Variants in AGBL4 observed in about 807,000 individuals in gnomAD.
AGBL4 encodes cytosolic carboxypeptidase 6.
In AGBL4, 58 loss-of-function variants were observed where a neutral mutation model predicts 66.4. That is an observed-to-expected ratio of 0.87 (90% CI 0.71 to 1.09). AGBL4 has a LOEUF of 1.09. Ranked by LOEUF, AGBL4 falls within the 50% of genes least tolerant of loss-of-function variation. The pLI is 0.00. For synonymous variants in AGBL4, 234 were observed against 222.9 expected (o/e 1.05, Z -0.44); for missense variants, 579 against 631.0 (o/e 0.92, Z 0.88).
chr1:48,900,024 C>G (rs1174953405), intron 5 of AGBL4, among the ~76,000 whole-genome samples: 2 of 151,920 alleles, frequency 1.3e-5, no homozygotes, highest in Non-Finnish European at 2.9e-5. Flanking sequence ...AACATTTGAG[C>G]TGAGGGGCAT....
chr1:49,948,110 A>AT (rs1557608415), intron 1 of AGBL4, among the ~76,000 whole-genome samples: 4 of 85,344 alleles, frequency 4.7e-5, no homozygotes, highest in African/African-American at 1.9e-4. Context: ...ATATATATGT[A>AT]AATGTATGTA....
Position 48,622,186 on chromosome 1 carries a change from T to A in AGBL4, c.951+12307A>T, listed in dbSNP as rs191074989. 2.0e-5 allele frequency among the ~76,000 whole-genome samples: 3 copies of A among 152,298 alleles called. No homozygotes were observed. The East Asian group carries it at 5.8e-4, about 29-fold the overall frequency. ...TAAGTATGTTCACCTGCCTAATACC[T>A]GTGTCCTCACATATGCTGCTTCCCC... On this transcript the variant is annotated intron_variant, in intron 9 of 13. Transcript: ENST00000371839.
chr1:49,955,781 G>A (rs148863902), intron 1 of AGBL4, among the ~76,000 whole-genome samples: 3 of 151,734 alleles, frequency 2.0e-5, no homozygotes, highest in African/African-American at 7.3e-5. Context: ...CCAATGAACT[G>A]CCCCCAGATA....
intron 6 of AGBL4, among the ~76,000 whole-genome samples, chr1:48,783,194 T>C (rs1645337531): frequency 6.6e-6 from 1 of 152,200 alleles, no homozygotes; most frequent in Non-Finnish European, 1.5e-5. Context: ...GGAAGGAACG[T>C]TGATACATGG....
At chr1:49,760,273 T>C (rs1278238618) in intron 2 of AGBL4, among the ~76,000 whole-genome samples, 1 of 152,222 alleles carries the variant, frequency 6.6e-6, no homozygotes, top group East Asian at 1.9e-4. Flanking sequence ...ATAGTTTCTT[T>C]TGCTGTGCAT....
intron 3 of AGBL4, among the ~76,000 whole-genome samples, chr1:49,269,503 T>C (rs1391035821): frequency 6.6e-6 from 1 of 152,192 alleles, no homozygotes; most frequent in South Asian, 2.1e-4. Flanking sequence ...CCAGAAAAGA[T>C]TAACTGAGAG....
chr1:49,462,496 A>G (rs1250407861), intron 3 of AGBL4, among the ~76,000 whole-genome samples: 1 of 151,740 alleles, frequency 6.6e-6, no homozygotes, highest in East Asian at 1.9e-4. Flanking sequence ...ATCCTTAGAA[A>G]AATAAGCTTA....
chr1:48,607,477 G>A (rs1004125157), intron 9 of AGBL4, among the ~76,000 whole-genome samples: 20 of 152,198 alleles, frequency 1.3e-4, no homozygotes, highest in Middle Eastern at 3.4e-3. Flanking sequence ...AATTAGCCAG[G>A]TGTGGTGGTG....
At chr1:49,030,384 T>C (rs953801440) in intron 5 of AGBL4, among the ~76,000 whole-genome samples, 1 of 152,148 alleles carries the variant, frequency 6.6e-6, no homozygotes, top group Non-Finnish European at 1.5e-5. Flanking sequence ...AGCAACTTGA[T>C]TTTGGACTTT....
intron 6 of AGBL4, among the ~76,000 whole-genome samples, chr1:48,700,075 G>A (rs956468002): frequency 1.7e-4 from 26 of 152,100 alleles, no homozygotes; most frequent in Admixed American, 1.3e-3. Flanking sequence ...CACTGCACCC[G>A]GATGTTAATG....
chr1:49,835,095 G>T (rs1645811524), intron 2 of AGBL4, among the ~76,000 whole-genome samples: 1 of 152,076 alleles, frequency 6.6e-6, no homozygotes, highest in African/African-American at 2.4e-5. Flanking sequence ...GGTCCACTTG[G>T]TCAAGAGCTG....
At chr1:49,255,973 C>T (rs560642564) in intron 3 of AGBL4, among the ~76,000 whole-genome samples, 1 of 152,064 alleles carries the variant, frequency 6.6e-6, no homozygotes, top group African/African-American at 2.4e-5. Context: ...CACATGGTCA[C>T]ACAGAGGGGA....
At chr1:48,962,301 T>A (rs1345229764) in intron 5 of AGBL4, among the ~76,000 whole-genome samples, 1 of 152,200 alleles carries the variant, frequency 6.6e-6, no homozygotes, top group Non-Finnish European at 1.5e-5. Flanking sequence ...CACAGGGTTG[T>A]TTAGAAGCTC....
chr1:48,801,329 C>T (rs1645801500), intron 6 of AGBL4, among the ~76,000 whole-genome samples: 1 of 152,200 alleles, frequency 6.6e-6, no homozygotes, highest in South Asian at 2.1e-4. Flanking sequence ...GCACTTGTAT[C>T]TACAGCCATT....
intron 1 of AGBL4, among the ~76,000 whole-genome samples, chr1:49,957,232 A>G (rs1008361184): frequency 6.6e-6 from 1 of 151,824 alleles, no homozygotes; most frequent in Non-Finnish European, 1.5e-5. Context: ...ATGTCAAAGA[A>G]AATTAAAGCA....
In AGBL4 at chr1:49,755,801, C is replaced by G. The variant is rs559181824; in HGVS notation, c.158-58364G>C. On this transcript the variant is annotated intron_variant, in intron 2 of 13. Coordinates refer to ENST00000371839, the MANE Select transcript of AGBL4 (RefSeq NM_032785.4). ...TTTTAGGCAACACTTCATCACTTAT[C>G]ACCTAATTGTTGCCACCAATCTATC... Among the ~76,000 whole-genome samples, 8 of 152,348 alleles carry G rather than the reference C, an allele frequency of 5.3e-5. No homozygotes were observed. In the East Asian group the frequency reaches 1.5e-3, roughly 29 times the overall value.
intron 3 of AGBL4, among the ~76,000 whole-genome samples, chr1:49,578,527 G>C (rs184507398): frequency 6.6e-6 from 1 of 152,326 alleles, no homozygotes; most frequent in Admixed American, 6.5e-5. Context: ...TAATTGTCAT[G>C]AGTATTTCCT....
intron 6 of AGBL4, among the ~76,000 whole-genome samples, chr1:48,866,808 C>T (rs929456230): frequency 5.3e-5 from 8 of 152,166 alleles, no homozygotes; most frequent in Admixed American, 2.0e-4. Flanking sequence ...ATGAGCCATC[C>T]TCCCTTCATT....
At chr1:49,655,216 G>A (rs1646098482) in intron 3 of AGBL4, among the ~76,000 whole-genome samples, 1 of 152,234 alleles carries the variant, frequency 6.6e-6, no homozygotes. Flanking sequence ...GGCTGGATAT[G>A]AAATTATGGG....
Sources: allele counts gnomAD v4.1 joint callset (sites outside exome capture counted in the v4.1 genomes callset), GRCh38; gene constraint gnomAD v4.1.1; transcripts MANE v1.5; gene names NCBI Gene and HGNC (gene_info 2026-07-23, HGNC 2026-07-21).